Variants in DTNB observed in about 807,000 individuals in gnomAD.
DTNB encodes the protein dystrobrevin beta.
Under a neutral mutation model 90.7 loss-of-function variants are expected in DTNB, and 63 were observed. The ratio of observed to expected loss-of-function variants is 0.69; its 90% CI spans 0.57 to 0.86. The LOEUF (loss-of-function observed/expected upper bound fraction) is 0.86, where lower values mean the gene tolerates loss of function less well. Among genes scored for constraint, DTNB ranks in the 40% least tolerant of loss-of-function variants. The pLI is 0.00. For missense variants in DTNB, 744 were observed against 807.1 expected, an observed-to-expected ratio of 0.92 and a Z score of 0.95; for synonymous variants, 277 against 286.7, an observed-to-expected ratio of 0.97 and a Z score of 0.34.
intron 1 of DTNB, among the ~76,000 whole-genome samples, chr2:25,657,965 T>C (rs1273797318): frequency 6.6e-6 from 1 of 151,964 alleles, no homozygotes; most frequent in Non-Finnish European, 1.5e-5. Context: ...CAACATCAAA[T>C]GCTGACAAGG....
intron 8 of DTNB, among the ~76,000 whole-genome samples, chr2:25,554,462 A>G (rs1471458508): frequency 6.6e-6 from 1 of 152,134 alleles, no homozygotes; most frequent in Non-Finnish European, 1.5e-5. Context: ...AAGCTCATAT[A>G]TTGCTGGTAG....
chr2:25,520,237 C>T (rs1207769017), intron 9 of DTNB, among the ~76,000 whole-genome samples: 1 of 152,048 alleles, frequency 6.6e-6, no homozygotes, highest in Non-Finnish European at 1.5e-5. Context: ...CAAAAATTAG[C>T]CAGGCGTGGT....
intron 9 of DTNB, among the ~76,000 whole-genome samples, chr2:25,484,180 A>G (rs2065635754): frequency 6.6e-6 from 1 of 152,246 alleles, no homozygotes; most frequent in Non-Finnish European, 1.5e-5. Context: ...TGATGTTAAC[A>G]CAACACAAAA....
At chr2:25,461,197 C>T (rs72851419) in intron 10 of DTNB, among the ~76,000 whole-genome samples, 3,502 of 152,320 alleles carry the variant, frequency 0.023, 133 homozygotes, top group African/African-American at 0.08. Context: ...AGCCACCAGG[C>T]CTGGCCTATA....
rs1159079190 is a variant in DTNB, at chr2:25,424,399, G to C, written c.1554+3136C>G. Among the ~76,000 whole-genome samples the C allele has an allele frequency of 6.6e-6, 1 of 152,296 alleles. No individual in the cohort carries two copies. The highest frequency in any genetic ancestry group is 1.5e-5 in the Non-Finnish European group (1 of 68,034). On this transcript the variant is annotated intron_variant, in intron 15 of 20. Transcript: ENST00000406818. The surrounding 1 kb of genome is among the most constrained non-coding windows in gnomAD (Gnocchi z 4.1). Reference sequence around the variant, plus strand: ...CGTTCTGCTTAGCCCTTGAATACAAGCATCAGCGGTACACTAGAAGGCCAC... The same window carrying C: ...CGTTCTGCTTAGCCCTTGAATACAACCATCAGCGGTACACTAGAAGGCCAC...
intron 2 of DTNB, among the ~76,000 whole-genome samples, chr2:25,648,993 C>CTTTTTTTTTTTTTTTTTTT (rs60749102): frequency 1.1e-5 from 1 of 93,988 alleles, no homozygotes; most frequent in African/African-American, 4.3e-5. Context: ...TCCTTCCTAC[C>CTTTTTTTTTTTTTTTTTTT]TTTTTTTTTT....
rs766117505 is a variant in DTNB, at chr2:25,388,252, T to C, written c.1685A>G (p.Gln562Arg). ...SAGSTPTHCP[Q>R]DSLSGVGGDV... ...TCCCCCGACTCCGCTCAGCGAGTCCTGCGGACAGTGGGTGGGGGTGGAGCC... is the reference window on the plus strand; with the variant it reads ...TCCCCCGACTCCGCTCAGCGAGTCCCGCGGACAGTGGGTGGGGGTGGAGCC... Residue 562 changes from glutamine (Q) to arginine (R), a missense_variant, in exon 17 of 21, where the codon CAG becomes CGG. Physicochemically the swap from Gln to Arg is conservative, Grantham distance 43. Coordinates refer to ENST00000406818, the MANE Select transcript of DTNB (RefSeq NM_021907.5). The C allele has an allele frequency of 2.5e-6, 4 of 1,607,038 alleles. No individual in the cohort carries two copies.
chr2:25,649,677 C>T (rs1034893612), intron 2 of DTNB, among the ~76,000 whole-genome samples: 11 of 152,122 alleles, frequency 7.2e-5, no homozygotes, highest in African/African-American at 2.7e-4. Flanking sequence ...CGTGATCATA[C>T]CACTGCACTC....
At chr2:25,568,697 G>C (rs1259118694) in intron 8 of DTNB, among the ~76,000 whole-genome samples, 1 of 152,200 alleles carries the variant, frequency 6.6e-6, no homozygotes, top group African/African-American at 2.4e-5. Context: ...TTTATCCCAT[G>C]TGGGACAGAG....
At chr2:25,609,657 T>TACACACACACAC (rs4007298) in intron 4 of DTNB, among the ~76,000 whole-genome samples, 12 of 127,074 alleles carry the variant, frequency 9.4e-5, no homozygotes, top group South Asian at 2.5e-4. Context: ...TAATAGAATG[T>TACACACACACAC]ACACACACAC....
At chr2:25,392,768 A>G (rs370703179) in intron 16 of DTNB, among the ~76,000 whole-genome samples, 20 of 152,336 alleles carry the variant, frequency 1.3e-4, no homozygotes, top group East Asian at 7.7e-4. Flanking sequence ...TTGCCAACAA[A>G]AAACAGTCCA....
Position 25,607,270 on chromosome 2 carries a change from G to C in DTNB, c.414C>G (p.Thr138=). 6.2e-7 allele frequency: 1 copy of C among 1,607,396 alleles called. No homozygotes were observed. Among genetic ancestry groups the C allele is most frequent in the Non-Finnish European group, 8.5e-7 (1 of 1,176,810 alleles). The change falls in exon 5 of 21, where the codon ACC becomes ACG. Residue 138 remains threonine, a synonymous_variant. Transcript: ENST00000406818. ...TGTCCAGCATTTTTCCACCACACAT[G>C]GTTGCTAACATAGCTTTAACTGAAA... ...TVFSVKAMLA[T]MCGGKMLDKL... is the part of the protein sequence containing the mutation.
intron 9 of DTNB, among the ~76,000 whole-genome samples, chr2:25,509,557 C>G (rs1174889897): frequency 6.6e-6 from 1 of 151,962 alleles, no homozygotes; most frequent in Non-Finnish European, 1.5e-5. Flanking sequence ...TTATTATTTT[C>G]CTCTCAGTTC....
intron 6 of DTNB, among the ~76,000 whole-genome samples, chr2:25,587,587 C>CG (rs954774624): frequency 6.6e-6 from 1 of 151,978 alleles, no homozygotes; most frequent in African/African-American, 2.4e-5. Context: ...AGTGGGGAAG[C>CG]GGGGGGAAGG....
intron 8 of DTNB, among the ~76,000 whole-genome samples, chr2:25,558,662 A>G (rs995792353): frequency 3.3e-5 from 5 of 152,182 alleles, no homozygotes; most frequent in Non-Finnish European, 7.4e-5. Context: ...GTCCATTTTG[A>G]ATGTTCTCGT....
chr2:25,584,931 A>G (rs2062121837), intron 6 of DTNB, among the ~76,000 whole-genome samples: 1 of 152,152 alleles, frequency 6.6e-6, no homozygotes, highest in Admixed American at 6.5e-5. Context: ...GGTCCTCAAT[A>G]ATTTTTACAG....
At chr2:25,468,989 C>T (rs2062285162) in intron 10 of DTNB, among the ~76,000 whole-genome samples, 1 of 151,738 alleles carries the variant, frequency 6.6e-6, no homozygotes, top group African/African-American at 2.4e-5. Flanking sequence ...AATATATTTA[C>T]CGAGTATCTA....
intron 7 of DTNB, among the ~76,000 whole-genome samples, chr2:25,579,696 T>C (rs2061259536): frequency 6.6e-6 from 1 of 151,484 alleles, no homozygotes; most frequent in African/African-American, 2.4e-5. Flanking sequence ...CAAGGCAAAA[T>C]GGTGAAGGAA....
chr2:25,455,864 T>C (rs2059948105), intron 10 of DTNB, among the ~76,000 whole-genome samples: 1 of 152,254 alleles, frequency 6.6e-6, no homozygotes, highest in Non-Finnish European at 1.5e-5. Flanking sequence ...GCACAGCCAA[T>C]CTACTAAATA....
Sources: gnomAD v4.1 joint callset for allele counts (sites outside exome capture counted in the v4.1 genomes callset) on GRCh38, gnomAD v4.1.1 for gene constraint, Gnocchi (gnomAD v3.1) non-coding constraint, MANE v1.5 for transcripts, NCBI Gene and HGNC (gene_info 2026-07-23, HGNC 2026-07-21) for gene names.